The following PIBF1 variants were observed in gnomAD, a reference collection of about 807,000 sequenced individuals.
PIBF1 encodes progesterone immunomodulatory binding factor 1, also known as progesterone-induced-blocking factor 1.
In PIBF1, 90 loss-of-function variants were observed where a neutral mutation model predicts 112.5. The ratio of observed to expected loss-of-function variants is 0.80; its 90% confidence interval spans 0.67 to 0.95. The LOEUF (loss-of-function observed/expected upper bound fraction) is 0.95, where lower values mean the gene tolerates loss of function less well. Among genes scored for constraint, PIBF1 ranks in the 40% least tolerant of loss-of-function variants. The pLI is 0.00. For missense variants in PIBF1, 915 were observed against 852.3 expected (o/e 1.07, Z -0.92); for synonymous variants, 301 against 288.6 (o/e 1.04, Z -0.44).
At chr13:72,909,178 G>T (rs2040811443) in intron 12 of PIBF1, among the ~76,000 whole-genome samples, 1 of 152,046 alleles carries the variant, frequency 6.6e-6, no homozygotes, top group South Asian at 2.1e-4. Flanking sequence ...AGTCAAAAAA[G>T]AAACAGGTTA....
chr13:72,848,847 G>A (rs972986863), intron 9 of PIBF1, among the ~76,000 whole-genome samples: 16 of 149,282 alleles, frequency 1.1e-4, no homozygotes, highest in African/African-American at 2.0e-4. Context: ...AAAAAAAAAA[G>A]AACTTAACTC....
At chr13:72,827,201 C>A in intron 7 of PIBF1, 83 bp downstream of exon 7, 21 of 395,086 alleles carry the variant, frequency 5.3e-5, no homozygotes, top group Middle Eastern at 8.1e-4. Context: ...GAAGGAGAGA[C>A]ATTTTTTTTG....
intron 13 of PIBF1, among the ~76,000 whole-genome samples, chr13:72,925,866 C>A (rs55689242): frequency 0.11 from 15,981 of 151,998 alleles, 2,405 homozygotes; most frequent in African/African-American, 0.34. Flanking sequence ...CATGACAAAA[C>A]TGAAATGGTT....
intron 16 of PIBF1, among the ~76,000 whole-genome samples, chr13:72,974,916 C>T (rs1410630337): frequency 3.3e-5 from 5 of 152,156 alleles, no homozygotes; most frequent in South Asian, 2.1e-4. Context: ...TCCCCCTCTA[C>T]GATGAATGAG....
chr13:72,937,552 GCTCATGCCTGTAATC>G (rs2041903178), intron 14 of PIBF1, among the ~76,000 whole-genome samples: 1 of 152,134 alleles, frequency 6.6e-6, no homozygotes, highest in African/African-American at 2.4e-5. Context: ...GGGCACAGTG[GCTCATGCCTGTAATC>G]CTAGCACTTT....
rs527770271 is a variant in PIBF1, at chr13:72,868,390, C to A, written c.1322+14235C>A. Among the ~76,000 whole-genome samples the A allele has an allele frequency of 5.3e-5, 8 of 152,080 alleles. No homozygotes were observed. The South Asian group carries it at 1.0e-3, about 20-fold the overall frequency. ...GATCATCCTAGTCTGATAGGCTATC[C>A]ATATGCAAACCTGTAAAGGAACTCA... On this transcript the variant is annotated intron_variant, in intron 10 of 17. Transcript: ENST00000326291.
chr13:72,922,616 T>C (rs1279005263), intron 13 of PIBF1, among the ~76,000 whole-genome samples: 1 of 152,198 alleles, frequency 6.6e-6, no homozygotes, highest in African/African-American at 2.4e-5. Flanking sequence ...ATAGTTTCTC[T>C]CGTTTTATAA....
Position 72,815,994 on chromosome 13 carries a change from A to G in PIBF1, c.673-5855A>G, listed in dbSNP as rs73216803. On this transcript the variant is annotated intron_variant, in intron 5 of 17. Coordinates refer to ENST00000326291, the MANE Select transcript of PIBF1 (RefSeq NM_006346.4). ...GTTTGGTTCAATCATATTTGGGTCA[A>G]TGCCTGTTGAGAAGCCAGTATTTCA... 5.0e-3 allele frequency among the ~76,000 whole-genome samples: 757 copies of G among 152,332 alleles called. 5 individuals are homozygous for G. Among genetic ancestry groups the G allele is most frequent in the Non-Finnish European group, 5.6e-3 (382 of 68,038 alleles).
intron 10 of PIBF1, among the ~76,000 whole-genome samples, chr13:72,875,311 A>G (rs764780583): frequency 6.6e-6 from 1 of 152,170 alleles, no homozygotes; most frequent in Non-Finnish European, 1.5e-5. Flanking sequence ...CTACTGAAGG[A>G]CATCTTGTTT....
Position 72,834,676 on chromosome 13 carries a change from G to A in PIBF1, c.1098-567G>A, listed in dbSNP as rs539637956. Among the ~76,000 whole-genome samples, 4 of 152,188 alleles carry A rather than the reference G, an allele frequency of 2.6e-5. No individual in the cohort carries two copies. In the South Asian group the frequency reaches 6.2e-4, roughly 24 times the overall value. ...AACAAATTTTACCTTAAAGGTAAAG[G>A]TAAAGGTAAATTTTACTCTTAAAGA... On this transcript the variant is annotated intron_variant, in intron 8 of 17. Transcript: ENST00000326291.
chr13:72,986,736 T>C (rs2043301166), intron 16 of PIBF1, among the ~76,000 whole-genome samples: 1 of 144,056 alleles, frequency 6.9e-6, no homozygotes, highest in African/African-American at 2.6e-5. Flanking sequence ...CAGGCCGGAC[T>C]GCGGACTGCA....
chr13:72,933,893 A>G (rs2041785662), intron 14 of PIBF1, among the ~76,000 whole-genome samples: 1 of 152,228 alleles, frequency 6.6e-6, no homozygotes, highest in African/African-American at 2.4e-5. Flanking sequence ...TCATGAGAAA[A>G]GGAGGAAGGG....
chr13:72,957,149 A>G (rs1483501329), intron 14 of PIBF1, among the ~76,000 whole-genome samples: 1 of 152,232 alleles, frequency 6.6e-6, no homozygotes, highest in Middle Eastern at 3.2e-3. Flanking sequence ...TGATCCAGCA[A>G]TCCCACTACT....
chr13:72,796,322 G>A (rs1410569151), intron 4 of PIBF1, among the ~76,000 whole-genome samples: 1 of 152,130 alleles, frequency 6.6e-6, no homozygotes, highest in Non-Finnish European at 1.5e-5. Context: ...TCAGAGTGGC[G>A]AGTGGGGCAG....
intron 14 of PIBF1, among the ~76,000 whole-genome samples, chr13:72,940,440 T>G (rs2041981182): frequency 6.6e-6 from 1 of 152,208 alleles, no homozygotes; most frequent in African/African-American, 2.4e-5. Context: ...TTTCAATAAC[T>G]TTTTTATATT....
chr13:72,967,128 G>T (rs1032404190), intron 15 of PIBF1, among the ~76,000 whole-genome samples: 1 of 151,890 alleles, frequency 6.6e-6, no homozygotes, highest in East Asian at 2.0e-4. Flanking sequence ...TGGAGACAGG[G>T]TTTCACCATG....
At chr13:72,935,465 G>A (rs892733227) in intron 14 of PIBF1, among the ~76,000 whole-genome samples, 1 of 152,122 alleles carries the variant, frequency 6.6e-6, no homozygotes, top group Admixed American at 6.5e-5. Context: ...ATGGACATTG[G>A]AGTCATTTCC....
chr13:72,916,977 C>T, intron 12 of PIBF1, 99 bp from the exon 13 acceptor site: 1 of 619,490 alleles, frequency 1.6e-6, no homozygotes, highest in Non-Finnish European at 2.7e-6. Context: ...ATGTTTTTAT[C>T]CTCCCTAATT....
chr13:72,785,035 G>C (rs756064992), intron 2 of PIBF1, among the ~76,000 whole-genome samples: 12 of 151,998 alleles, frequency 7.9e-5, no homozygotes, highest in Non-Finnish European at 1.3e-4. Flanking sequence ...ACCATGCCCA[G>C]CTAGCTCTCT....
Sources: gnomAD v4.1 joint callset for allele counts (sites outside exome capture counted in the v4.1 genomes callset) on GRCh38, gnomAD v4.1.1 for gene constraint, MANE v1.5 for transcripts, NCBI Gene and HGNC (gene_info 2026-07-23, HGNC 2026-07-21) for gene names.